C16orf74: variants seen among roughly 807,000 people sequenced by gnomAD.
C16orf74 encodes uncharacterized protein C16orf74.
A neutral mutation model predicts 6.5 loss-of-function variants in C16orf74; 10 were observed. That is an observed-to-expected ratio of 1.54 (90% CI 0.95 to 2.61). C16orf74 has a LOEUF of 2.61. Among genes scored for constraint, C16orf74 ranks in the 30% most tolerant of loss-of-function variants. The pLI, the probability that C16orf74 is intolerant of heterozygous loss-of-function variation, is 0.00. For missense variants in C16orf74, 141 were observed against 105.9 expected (o/e 1.33, Z -1.45); for synonymous variants, 60 against 42.5 (o/e 1.41, Z -1.60).
chr16:85,743,203 G>C (rs1440916944), intron 1 of C16orf74: 2 of 152,320 alleles, frequency 1.3e-5, no homozygotes, highest in East Asian at 3.9e-4. Context: ...CTGAGAAGGA[G>C]GAGTTACAGC....
chr16:85,728,272 G>C (rs539942753), intron 2 of C16orf74, among the ~76,000 whole-genome samples: 65 of 152,282 alleles, frequency 4.3e-4, no homozygotes, highest in African/African-American at 1.6e-3. Context: ...AGCGGAATCT[G>C]GTGTGGGGTG....
chr16:85,741,511 A>T, intron 1 of C16orf74: 1 of 165,260 alleles, frequency 6.1e-6, no homozygotes, highest in Middle Eastern at 5.9e-4. Context: ...CAGGTGCAGC[A>T]TCGAGGGTGG....
intron 2 of C16orf74, among the ~76,000 whole-genome samples, chr16:85,728,094 T>C (rs1473464395): frequency 6.6e-6 from 1 of 151,908 alleles, no homozygotes; most frequent in Non-Finnish European, 1.5e-5. Context: ...CTTGTGATGG[T>C]ACCACTGCAC....
chr16:85,740,485 G>A (rs536147400), intron 1 of C16orf74, among the ~76,000 whole-genome samples: 2 of 151,996 alleles, frequency 1.3e-5, no homozygotes, highest in South Asian at 2.1e-4. Context: ...GGAGGATCAC[G>A]AGGTCAGGAG....
intron 1 of C16orf74, among the ~76,000 whole-genome samples, chr16:85,739,318 T>C (rs1187168546): frequency 2.0e-5 from 3 of 152,212 alleles, no homozygotes; most frequent in Admixed American, 6.5e-5. Context: ...GATTTTATCA[T>C]CTATTCCCTT....
At chr16:85,745,044 G>C (rs927005616) in intron 1 of C16orf74, among the ~76,000 whole-genome samples, 3 of 149,434 alleles carry the variant, frequency 2.0e-5, no homozygotes, top group Non-Finnish European at 4.4e-5. Context: ...GGGAGGCTGA[G>C]GCAGGAGAAT....
intron 1 of C16orf74, 36 bp from the exon 2 acceptor site, chr16:85,735,271 C>T (rs546438811): frequency 1.5e-5 from 22 of 1,512,886 alleles, no homozygotes; most frequent in African/African-American, 5.7e-5. Flanking sequence ...GAGGGGAGGG[C>T]GCGACTTGTT....
chr16:85,708,406 G>A (rs1029349929), intron 3 of C16orf74, among the ~76,000 whole-genome samples: 6 of 152,172 alleles, frequency 3.9e-5, no homozygotes, highest in Non-Finnish European at 8.8e-5. Flanking sequence ...CTCAGAGAGG[G>A]AAGAGACTTT....
At chr16:85,729,599 G>T (rs1048366805) in intron 2 of C16orf74, among the ~76,000 whole-genome samples, 1 of 152,186 alleles carries the variant, frequency 6.6e-6, no homozygotes, top group African/African-American at 2.4e-5. Context: ...CTCAGAATAT[G>T]ACCTTATTTG....
intron 2 of C16orf74, 71 bp downstream of exon 2, chr16:85,735,119 C>T (rs1031031158): frequency 1.4e-6 from 2 of 1,434,558 alleles, no homozygotes; most frequent in East Asian, 2.4e-5. Context: ...TTCAACTCCC[C>T]TCTCTCCTGC....
At chr16:85,721,467 G>T (rs2054081706) in intron 2 of C16orf74, among the ~76,000 whole-genome samples, 1 of 152,160 alleles carries the variant, frequency 6.6e-6, no homozygotes, top group Non-Finnish European at 1.5e-5. Flanking sequence ...GTAAAATGCG[G>T]GCCTTCCATC....
At chr16:85,738,936 G>A (rs926623535) in intron 1 of C16orf74, among the ~76,000 whole-genome samples, 8 of 152,106 alleles carry the variant, frequency 5.3e-5, no homozygotes, top group African/African-American at 1.9e-4. Flanking sequence ...AAGGTCATCT[G>A]GGTAGCAAGT....
intron 2 of C16orf74, among the ~76,000 whole-genome samples, chr16:85,719,430 A>C (rs148652678): frequency 1.2e-3 from 179 of 152,216 alleles, no homozygotes; most frequent in African/African-American, 4.2e-3. Flanking sequence ...CTTTGAGAAC[A>C]GTGCTTGTGG....
At chr16:85,715,879 T>C (rs1341947004) in intron 2 of C16orf74, among the ~76,000 whole-genome samples, 2 of 152,192 alleles carry the variant, frequency 1.3e-5, no homozygotes, top group African/African-American at 4.8e-5. Flanking sequence ...CAGCTCCCTC[T>C]TGAAGGGCTG....
intron 1 of C16orf74, among the ~76,000 whole-genome samples, chr16:85,741,128 C>A (rs984771054): frequency 4.6e-5 from 7 of 152,318 alleles, no homozygotes; most frequent in African/African-American, 1.7e-4. Context: ...AGAGTCTGCG[C>A]AATGCCTGGC....
chr16:85,707,994 C>G lies in C16orf74; in HGVS notation c.*14G>C, dbSNP rs1360098695. On this transcript the variant is annotated 3_prime_UTR_variant, in exon 4 of 4. Transcript: ENST00000284245. ...CTGGAGCAGGAGCCAGCCAGCCAAA[C>G]CCAGGACACCTCCTCAGGCTTCTGG... 4 of 1,551,520 alleles carry G rather than the reference C, an allele frequency of 2.6e-6. No homozygotes were observed. Among genetic ancestry groups the G allele is most frequent in the Non-Finnish European group, 3.5e-6 (4 of 1,147,072 alleles).
chr16:85,735,857 C>A (rs747406194), intron 1 of C16orf74, among the ~76,000 whole-genome samples: 4 of 152,140 alleles, frequency 2.6e-5, no homozygotes, highest in Non-Finnish European at 4.4e-5. Flanking sequence ...GAAGCAGCAG[C>A]CAGTGGTGCG....
chr16:85,731,629 C>A (rs189958324), intron 2 of C16orf74, among the ~76,000 whole-genome samples: 1 of 152,082 alleles, frequency 6.6e-6, no homozygotes, highest in African/African-American at 2.4e-5. Context: ...CCAAAAGATA[C>A]ACCTAACCGG....
chr16:85,725,026 A>G (rs949551557), intron 2 of C16orf74, among the ~76,000 whole-genome samples: 1 of 151,614 alleles, frequency 6.6e-6, no homozygotes, highest in African/African-American at 2.4e-5. Flanking sequence ...TTCGGAGGAT[A>G]TCAGGTGCCG....
Sources: allele counts gnomAD v4.1 joint callset (sites outside exome capture counted in the v4.1 genomes callset), GRCh38; gene constraint gnomAD v4.1.1; transcripts MANE v1.5; gene names NCBI Gene and HGNC (gene_info 2026-07-23, HGNC 2026-07-21).